The following MGMT variants were observed in gnomAD, a reference collection of about 807,000 sequenced individuals.
MGMT encodes methylated-DNA--protein-cysteine methyltransferase.
Under a neutral mutation model 15.9 loss-of-function variants are expected in MGMT, and 14 were observed. The observed-to-expected ratio is 0.88, with a 90% CI of 0.58 to 1.37. The LOEUF (loss-of-function observed/expected upper bound fraction) is 1.37. MGMT is among the 40% of genes most tolerant of loss of function. The probability of loss-of-function intolerance (pLI) is 0.00; values close to 1 mark genes in which losing one functional copy is unlikely to be tolerated. For synonymous variants in MGMT, 130 were observed against 118.2 expected, an observed-to-expected ratio of 1.10 and a Z score of -0.65; for missense variants, 282 against 268.1, an observed-to-expected ratio of 1.05 and a Z score of -0.36.
intron 1 of MGMT, among the ~76,000 whole-genome samples, chr10:129,482,422 G>A (rs1418787657): frequency 6.6e-6 from 1 of 152,060 alleles, no homozygotes; most frequent in African/African-American, 2.4e-5. Flanking sequence ...AGTTGGGTAA[G>A]GTTTGTTGAT....
At chr10:129,612,591 C>G (rs972066096) in intron 2 of MGMT, among the ~76,000 whole-genome samples, 1 of 152,188 alleles carries the variant, frequency 6.6e-6, no homozygotes, top group Non-Finnish European at 1.5e-5. Flanking sequence ...CTTCTTTCCC[C>G]ACAGCCTTGC....
intron 2 of MGMT, among the ~76,000 whole-genome samples, chr10:129,690,258 C>T (rs1847954591): frequency 1.3e-5 from 2 of 152,144 alleles, no homozygotes; most frequent in South Asian, 4.1e-4. Flanking sequence ...TCTAGGAGTA[C>T]AATAGGCAAG....
chr10:129,720,047 C>G (rs1848350942), intron 3 of MGMT, among the ~76,000 whole-genome samples: 1 of 152,184 alleles, frequency 6.6e-6, no homozygotes, highest in African/African-American at 2.4e-5. Context: ...AACAGAACTT[C>G]CCAAGGACGC....
intron 2 of MGMT, among the ~76,000 whole-genome samples, chr10:129,635,065 T>C (rs1847250069): frequency 1.3e-5 from 2 of 152,192 alleles, no homozygotes; most frequent in African/African-American, 4.8e-5. Context: ...CCAGCCCCCT[T>C]TTCAGCTCGC....
At chr10:129,709,868 G>A (rs538997639) in intron 3 of MGMT, among the ~76,000 whole-genome samples, 2 of 152,198 alleles carry the variant, frequency 1.3e-5, no homozygotes, top group Non-Finnish European at 2.9e-5. Context: ...GGAGGCCTCC[G>A]CAGCTGCTGA....
chr10:129,640,978 A>T (rs1847321954), intron 2 of MGMT, among the ~76,000 whole-genome samples: 1 of 152,236 alleles, frequency 6.6e-6, no homozygotes, highest in Admixed American at 6.5e-5. Context: ...CAGAAATAAG[A>T]CAAAGATGTC....
chr10:129,760,258 TG>T (rs1329401394), intron 4 of MGMT, among the ~76,000 whole-genome samples: 1 of 152,202 alleles, frequency 6.6e-6, no homozygotes. Flanking sequence ...CCTGTGTGTG[TG>T]GGGGCAGAAA....
At chr10:129,713,842 C>G (rs1848261207) in intron 3 of MGMT, among the ~76,000 whole-genome samples, 1 of 152,200 alleles carries the variant, frequency 6.6e-6, no homozygotes, top group Admixed American at 6.5e-5. Context: ...CCTTCCCTTT[C>G]AGAGCTGTCT....
At chr10:129,654,166 G>A (rs560449345) in intron 2 of MGMT, among the ~76,000 whole-genome samples, 5 of 152,304 alleles carry the variant, frequency 3.3e-5, no homozygotes, top group African/African-American at 1.2e-4. Context: ...AGATGCAGGT[G>A]GGAAGCTGGA....
chr10:129,512,556 C>T (rs1026632867), intron 1 of MGMT, among the ~76,000 whole-genome samples: 2 of 152,032 alleles, frequency 1.3e-5, no homozygotes, highest in African/African-American at 4.8e-5. Flanking sequence ...GTCTCATTTG[C>T]AGGGCTCTTG....
intron 3 of MGMT, among the ~76,000 whole-genome samples, chr10:129,741,647 G>A (rs548829959): frequency 5.9e-5 from 9 of 152,296 alleles, no homozygotes; most frequent in Admixed American, 2.6e-4. Flanking sequence ...CACTGTGTTC[G>A]AGGAGGGACT....
intron 2 of MGMT, among the ~76,000 whole-genome samples, chr10:129,699,176 G>A (rs1005222900): frequency 6.6e-6 from 1 of 152,044 alleles, no homozygotes; most frequent in African/African-American, 2.4e-5. Flanking sequence ...ATTTGGAGGG[G>A]GGAGGTAAAT....
chr10:129,732,957 T>C (rs796459346), intron 3 of MGMT, among the ~76,000 whole-genome samples: 5 of 151,036 alleles, frequency 3.3e-5, no homozygotes, highest in Non-Finnish European at 5.9e-5. Context: ...CAGTCTATCA[T>C]TGTTGGACAT....
At chr10:129,474,403 G>T (rs1182522286) in intron 1 of MGMT, among the ~76,000 whole-genome samples, 1 of 152,170 alleles carries the variant, frequency 6.6e-6, no homozygotes, top group African/African-American at 2.4e-5. Flanking sequence ...GAGCAGGTGG[G>T]AGTCGCAGAG....
chr10:129,760,970 C>T (rs1408469598), intron 4 of MGMT, among the ~76,000 whole-genome samples: 4 of 152,264 alleles, frequency 2.6e-5, no homozygotes, highest in East Asian at 1.9e-4. Context: ...CTGATTTTTA[C>T]GGCGCGTTGG....
At chr10:129,638,446 G>GAAAAAAAAAAAAAAAAAAAAAAAAAAAAA (rs1157292152) in intron 2 of MGMT, among the ~76,000 whole-genome samples, 7 of 96,298 alleles carry the variant, frequency 7.3e-5, no homozygotes, top group Non-Finnish European at 8.2e-5. Context: ...AAAAAAAAAA[G>GAAAAAAAAAAAAAAAAAAAAAAAAAAAAA]AAAAAAAAAA....
intron 3 of MGMT, among the ~76,000 whole-genome samples, chr10:129,753,782 C>G (rs968651588): frequency 1.3e-5 from 2 of 152,078 alleles, no homozygotes; most frequent in Admixed American, 1.3e-4. Context: ...GTCATCTCAG[C>G]CTTGGCATGA....
At chr10:129,521,775 C>A (rs191724646) in intron 1 of MGMT, among the ~76,000 whole-genome samples, 3 of 152,208 alleles carry the variant, frequency 2.0e-5, no homozygotes, top group East Asian at 3.9e-4. Context: ...CCCACGAGGC[C>A]GAGGCTGCAC....
chr10:129,569,290 G>A (rs1846390829), intron 2 of MGMT, among the ~76,000 whole-genome samples: 1 of 152,200 alleles, frequency 6.6e-6, no homozygotes, highest in African/African-American at 2.4e-5. Flanking sequence ...GGTGGGGGCG[G>A]GGGTGAGGGT....
Sources: allele counts gnomAD v4.1 joint callset (sites outside exome capture counted in the v4.1 genomes callset), GRCh38; gene constraint gnomAD v4.1.1; transcripts MANE v1.5; gene names NCBI Gene and HGNC (gene_info 2026-07-23, HGNC 2026-07-21).